The following PPP2R5C variants were observed in gnomAD, a reference collection of about 807,000 sequenced individuals.
PPP2R5C encodes the protein serine/threonine-protein phosphatase 2A 56 kDa regulatory subunit gamma isoform.
PPP2R5C carries 7 observed loss-of-function variants against 68.9 expected under a neutral mutation model. The ratio of observed to expected loss-of-function variants is 0.10; its 90% CI spans 0.06 to 0.19. The LOEUF (loss-of-function observed/expected upper bound fraction) is 0.19. Ranked by LOEUF, PPP2R5C falls within the 10% of genes least tolerant of loss-of-function variation. The pLI, the probability that PPP2R5C is intolerant of heterozygous loss-of-function variation, is 1.00. For synonymous variants in PPP2R5C, 210 were observed against 222.2 expected (o/e 0.95, Z 0.49); for missense variants, 348 against 641.3 (o/e 0.54, Z 4.94).
Position 101,917,976 on chromosome 14 carries a change from C to T in PPP2R5C, c.1443+29C>T, listed in dbSNP as rs1264862215. On this transcript the variant is annotated intron_variant, in intron 13 of 13. Coordinates refer to ENST00000334743, the Ensembl canonical transcript of PPP2R5C. This position sits in a 1 kb window ranked among gnomAD's most constrained non-coding sequence, Gnocchi z 4.4. ...AAAGTGCACCGAGCTCAGCTGGGCA[C>T]CCATGACTGATTTGCTTAAGAAATG... 5 of 1,613,088 alleles carry T rather than the reference C, an allele frequency of 3.1e-6. No homozygotes were observed. Among genetic ancestry groups the T allele is most frequent in the South Asian group, 2.2e-5 (2 of 91,050 alleles).
chr14:101,904,214 A>G (rs140440140), intron 9 of PPP2R5C, among the ~76,000 whole-genome samples: 14 of 152,038 alleles, frequency 9.2e-5, no homozygotes, highest in African/African-American at 3.1e-4. Flanking sequence ...CTAGAGTGCA[A>G]TCTCAGCTCA....
intron 1 of PPP2R5C, among the ~76,000 whole-genome samples, chr14:101,815,900 C>T (rs1453624343): frequency 6.6e-6 from 1 of 152,124 alleles, no homozygotes; most frequent in Non-Finnish European, 1.5e-5. Context: ...GAACTCCTGA[C>T]CTCAAGTGAT....
At chr14:101,892,043 G>A (rs908771286) in intron 6 of PPP2R5C, among the ~76,000 whole-genome samples, 37 of 152,210 alleles carry the variant, frequency 2.4e-4, no homozygotes, top group African/African-American at 8.9e-4. Flanking sequence ...TGCAAACTCT[G>A]CCTCCCAGGT....
exon 14 of PPP2R5C, chr14:101,927,027 TCTC>T (rs1425460061): frequency 2.0e-5 from 3 of 152,188 alleles, no homozygotes; most frequent in Admixed American, 6.5e-5. Context: ...TTAGATGCCT[TCTC>T]CTTTTGAGGG....
intron 2 of PPP2R5C, among the ~76,000 whole-genome samples, chr14:101,868,433 C>T (rs2043208409): frequency 6.6e-6 from 1 of 152,160 alleles, no homozygotes; most frequent in Non-Finnish European, 1.5e-5. Flanking sequence ...TTCACCCCTC[C>T]CCAGTTCTAC....
chr14:101,908,029 G>T (rs892337243), intron 10 of PPP2R5C, among the ~76,000 whole-genome samples: 1 of 152,206 alleles, frequency 6.6e-6, no homozygotes, highest in African/African-American at 2.4e-5. Flanking sequence ...TCACATTCCT[G>T]CCTTCCTCCT....
intron 2 of PPP2R5C, among the ~76,000 whole-genome samples, chr14:101,871,086 C>T (rs2043378799): frequency 6.6e-6 from 1 of 152,154 alleles, no homozygotes; most frequent in Non-Finnish European, 1.5e-5. Flanking sequence ...TTAATATAGC[C>T]ATTCCAGCGC....
chr14:101,835,855 T>A lies in PPP2R5C; in HGVS notation c.95-20831T>A, dbSNP rs1348653970. Among the ~76,000 whole-genome samples, 4 of 152,360 alleles carry A rather than the reference T, an allele frequency of 2.6e-5. No homozygotes were observed. The South Asian group carries it at 6.2e-4, about 24-fold the overall frequency. The stretch of plus-strand genomic sequence containing the variant: ...GCACGGTCCCATCTGAGCGTCGCCT[T>A]AACCTCTCTGTAGACCTCTGTCCTT... On this transcript the variant is annotated intron_variant, in intron 1 of 13. Transcript: ENST00000334743. This position sits in a 1 kb window ranked among gnomAD's most constrained non-coding sequence, Gnocchi z 5.0.
Position 101,825,211 on chromosome 14 carries a change from C to CATGTGTGTGTGTGT in PPP2R5C, c.94+15175_94+15176insATGTGTGTGTGTGT, listed in dbSNP as rs1490529678. 7.7e-5 allele frequency among the ~76,000 whole-genome samples: 11 copies of CATGTGTGTGTGTGT among 143,004 alleles called. No homozygotes were observed. Among genetic ancestry groups the CATGTGTGTGTGTGT allele is most frequent in the African/African-American group, 2.9e-4 (11 of 38,436 alleles). 93.8% of individuals were successfully genotyped at this position (143,004 alleles called of 152,430 possible). A position where few individuals can be genotyped will look rare whatever the true frequency, so the allele number is the denominator to read the frequency against. On this transcript the variant is annotated intron_variant, in intron 1 of 13. Coordinates refer to ENST00000334743, the Ensembl canonical transcript of PPP2R5C. This position sits in a 1 kb window ranked among gnomAD's most constrained non-coding sequence, Gnocchi z 4.0. Reference sequence around the variant, plus strand: ...AGGGATAGGATAAGAGGGTTTTCAGCGTGTGTGTGTGTGTGTGTGTGTGTG... The same window carrying CATGTGTGTGTGTGT: ...AGGGATAGGATAAGAGGGTTTTCAGCATGTGTGTGTGTGTGTGTGTGTGTGTGTGTGTGTGTGTG...
intron 2 of PPP2R5C, among the ~76,000 whole-genome samples, chr14:101,862,517 C>T (rs1191803640): frequency 6.6e-6 from 1 of 152,160 alleles, no homozygotes; most frequent in Admixed American, 6.5e-5. Flanking sequence ...CATGCAGGAG[C>T]TCACCCCTAA....
At chr14:101,883,736 T>C (rs2044303387) in intron 5 of PPP2R5C, among the ~76,000 whole-genome samples, 174 bp downstream of exon 7, 3 of 152,146 alleles carry the variant, frequency 2.0e-5, no homozygotes. Flanking sequence ...AGGGGGCTGC[T>C]GGGCTCATCC....
chr14:101,896,032 T>G (rs1000345856), intron 8 of PPP2R5C, among the ~76,000 whole-genome samples: 1 of 152,130 alleles, frequency 6.6e-6, no homozygotes, highest in African/African-American at 2.4e-5. Flanking sequence ...TTTATCTTAT[T>G]TTTTTGAGAG....
chr14:101,875,489 G>A (rs1595441798), intron 2 of PPP2R5C, among the ~76,000 whole-genome samples: 1 of 152,286 alleles, frequency 6.6e-6, no homozygotes, highest in East Asian at 1.9e-4. Flanking sequence ...TAATTAATTG[G>A]TGTTGCAGTT....
At chr14:101,874,612 A>G (rs59656389) in intron 2 of PPP2R5C, among the ~76,000 whole-genome samples, 8,227 of 152,332 alleles carry the variant, frequency 0.054, 466 homozygotes, top group African/African-American at 0.14. Context: ...ATAACTGTAA[A>G]TGATTTATTT....
In PPP2R5C at chr14:101,913,404, T is replaced by A. The variant is rs1195359037; in HGVS notation, c.1326+931T>A. The stretch of plus-strand genomic sequence containing the variant: ...GAATATAAAGTTAAAAGTATATCTT[T>A]ACCTATATAACAACATACTGGTTTG... On this transcript the variant is annotated intron_variant, in intron 12 of 13. Coordinates refer to ENST00000334743, the Ensembl canonical transcript of PPP2R5C. This position sits in a 1 kb window ranked among gnomAD's most constrained non-coding sequence, Gnocchi z 4.1. 6.6e-6 allele frequency among the ~76,000 whole-genome samples: 1 copy of A among 152,250 alleles called. No individual in the cohort carries two copies. Among genetic ancestry groups the A allele is most frequent in the Non-Finnish European group, 1.5e-5 (1 of 68,046 alleles).
Position 101,835,086 on chromosome 14 carries a change from C to G in PPP2R5C, c.95-21600C>G, listed in dbSNP as rs569674739. On this transcript the variant is annotated intron_variant, in intron 1 of 13. Transcript: ENST00000334743. This position sits in a 1 kb window ranked among gnomAD's most constrained non-coding sequence, Gnocchi z 5.0. ...AAAAAAAAAATGCAGCCTGTGTCTT[C>G]AGGGACTGGGAGTCTCTGATTCCAG... 8.5e-5 allele frequency among the ~76,000 whole-genome samples: 13 copies of G among 152,248 alleles called. No individual in the cohort carries two copies. The highest frequency in any genetic ancestry group is 2.9e-4 in the African/African-American group (12 of 41,546).
chr14:101,900,228 G>A (rs2045598504), intron 8 of PPP2R5C, among the ~76,000 whole-genome samples: 1 of 152,140 alleles, frequency 6.6e-6, no homozygotes, highest in African/African-American at 2.4e-5. Flanking sequence ...TTTATAAAGT[G>A]TAATATCATA....
chr14:101,809,320 A>G (rs920908525), upstream of PPP2R5C, among the ~76,000 whole-genome samples: 4 of 151,290 alleles, frequency 2.6e-5, no homozygotes, highest in South Asian at 2.1e-4. Flanking sequence ...AACTCATCCT[A>G]TTGGTAAGGG....
At chr14:101,892,554 T>C (rs1292165674) in intron 6 of PPP2R5C, among the ~76,000 whole-genome samples, 2 of 152,198 alleles carry the variant, frequency 1.3e-5, no homozygotes, top group Admixed American at 1.3e-4. Flanking sequence ...TAAAAATAAC[T>C]ATACTTCCTG....
Sources: gnomAD v4.1 joint callset for allele counts (sites outside exome capture counted in the v4.1 genomes callset) on GRCh38, gnomAD v4.1.1 for gene constraint, Gnocchi (gnomAD v3.1) non-coding constraint, MANE v1.5 for transcripts, NCBI Gene and HGNC (gene_info 2026-07-23, HGNC 2026-07-21) for gene names.